The following CSN2 variants were observed in gnomAD, a reference collection of about 807,000 sequenced individuals.
CSN2 encodes casein beta.
CSN2 carries 27 observed loss-of-function variants against 27.3 expected under a neutral mutation model. The ratio of observed to expected loss-of-function variants is 0.99; its 90% CI spans 0.73 to 1.36. The LOEUF (loss-of-function observed/expected upper bound fraction) is 1.36. Among genes scored for constraint, CSN2 ranks in the 40% most tolerant of loss-of-function variants. CSN2 has a pLI of 0.00. For missense variants in CSN2, 333 were observed against 264.5 expected (o/e 1.26, Z -1.80); for synonymous variants, 131 against 94.8 (o/e 1.38, Z -2.22).
intron 7 of CSN2, among the ~76,000 whole-genome samples, chr4:69,956,070 G>GC (rs1723387617): frequency 6.6e-6 from 1 of 151,846 alleles, no homozygotes; most frequent in South Asian, 2.1e-4. Flanking sequence ...AAGTATATAG[G>GC]CCCTTGAAAG....
intron 5 of CSN2, among the ~76,000 whole-genome samples, chr4:69,958,311 A>G (rs1723467719): frequency 1.3e-5 from 2 of 152,158 alleles, no homozygotes; most frequent in Non-Finnish European, 2.9e-5. Flanking sequence ...AACACCGGCC[A>G]AATTCTTACA....
In CSN2 at chr4:69,957,140, A is replaced by G. The variant is rs891810401; in HGVS notation, c.675+134T>C. 5.1e-6 allele frequency: 5 copies of G among 973,158 alleles called. No homozygotes were observed. In the African/African-American group the frequency reaches 8.3e-5, roughly 16 times the overall value. The allele number at this position is 973,158 out of a possible 1,614,324, so 60.3% of individuals were successfully genotyped here. A position where few individuals can be genotyped will look rare whatever the true frequency, so the allele number is the denominator to read the frequency against. ...GCATGTTGTGCACATGTACCCTAAA[A>G]CTTAAAGTATAATAATAAAAGAATC... On this transcript the variant is annotated intron_variant, in intron 6 of 7. Coordinates refer to ENST00000353151, the MANE Select transcript of CSN2 (RefSeq NM_001891.4).
At chr4:69,962,338 A>G (rs1204185988) in intron 1 of CSN2, among the ~76,000 whole-genome samples, 1 of 152,184 alleles carries the variant, frequency 6.6e-6, no homozygotes, top group African/African-American at 2.4e-5. Context: ...AAACTATACT[A>G]CAAGGCTACA....
At chr4:69,963,762 A>C (rs939908314) in intron 1 of CSN2, among the ~76,000 whole-genome samples, 2 of 152,072 alleles carry the variant, frequency 1.3e-5, no homozygotes, top group Non-Finnish European at 2.9e-5. Context: ...AGACAAATAA[A>C]ATTTAAAAAA....
chr4:69,960,083 T>G lies in CSN2; in HGVS notation c.52-4A>C, dbSNP rs1387349814. 1 of 1,611,016 alleles carries G rather than the reference T, an allele frequency of 6.2e-7. No individual in the cohort carries two copies. The highest frequency in any genetic ancestry group is 8.5e-7 in the Non-Finnish European group (1 of 1,178,224). Reference sequence around the variant, plus strand: ...TGCTTGAAAGGCTTTCTATGGTCTGTGGGAAAAAAAAATTGACAACCAGCT... The same window carrying G: ...TGCTTGAAAGGCTTTCTATGGTCTGGGGGAAAAAAAAATTGACAACCAGCT... On this transcript the variant is annotated splice_region_variant and splice_polypyrimidine_tract_variant and intron_variant, in intron 2 of 7. Coordinates refer to ENST00000353151, the MANE Select transcript of CSN2 (RefSeq NM_001891.4).
chr4:69,964,462 A>T (rs1178611221), intron 1 of CSN2, among the ~76,000 whole-genome samples: 1 of 152,062 alleles, frequency 6.6e-6, no homozygotes, highest in African/African-American at 2.4e-5. Flanking sequence ...TTTTGAACTA[A>T]AATACTTCAT....
chr4:69,955,858 C>T (rs1392947148), intron 7 of CSN2, among the ~76,000 whole-genome samples: 1 of 151,976 alleles, frequency 6.6e-6, no homozygotes, highest in Non-Finnish European at 1.5e-5. Flanking sequence ...ATGCTGTTCT[C>T]TCCTCTTTTT....
At chr4:69,956,164 A>G in intron 7 of CSN2, 150 bp downstream of exon 7, 1 of 397,736 alleles carries the variant, frequency 2.5e-6, no homozygotes, top group Non-Finnish European at 4.3e-6. Context: ...AGGTCAGTAA[A>G]TGATAGTCAA....
At chr4:69,960,841 T>C (rs1578145054) in intron 2 of CSN2, 104 bp downstream of exon 2, 1 of 886,236 alleles carries the variant, frequency 1.1e-6, no homozygotes, top group East Asian at 2.6e-5. Context: ...CATGAAATTC[T>C]TCATTATTTA....
Position 69,957,374 on chromosome 4 carries a change from G to A in CSN2, c.575C>T (p.Pro192Leu), listed in dbSNP as rs771946159. The change falls in exon 6 of 8, where the codon CCT (proline) becomes CTT (leucine). Residue 192 changes from proline (P) to leucine (L), a missense_variant. Transcript: ENST00000353151. ...TTGGTTGAGCAGAAGGGCTTGAACA[G>A]GCACAGCTCTCTGAGGGTAGGGCAC... ...QVVPYPQRAV[P>L]VQALLLNQEL... 1 of 1,613,560 alleles carries A rather than the reference G, an allele frequency of 6.2e-7. No individual in the cohort carries two copies. Among genetic ancestry groups the A allele is most frequent in the Non-Finnish European group, 8.5e-7 (1 of 1,179,854 alleles).
At chr4:69,960,170 A>T (rs1723528147) in intron 2 of CSN2, 91 bp from the exon 3 acceptor site, 2 of 1,208,930 alleles carry the variant, frequency 1.7e-6, no homozygotes, top group South Asian at 2.5e-5. Context: ...CTCTAAAAAA[A>T]TAATCTCACC....
intron 4 of CSN2, 25 bp from the exon 5 acceptor site, chr4:69,958,978 T>C (rs1469160909): frequency 1.3e-6 from 2 of 1,575,314 alleles, no homozygotes; most frequent in South Asian, 1.1e-5. Context: ...TATATAAAGA[T>C]ATGTTACCAT....
At position 69,958,912 on chromosome 4, in the gene CSN2, T is replaced by C; in HGVS notation, c.141A>G (p.Gly47=). The change falls in exon 5 of 8, where the codon GGA becomes GGG. Residue 47 remains glycine (G), a synonymous_variant. Coordinates refer to ENST00000353151, the MANE Select transcript of CSN2 (RefSeq NM_001891.4). ...EKVKHEDQQQ[G]EDEHQDKIYP... ...ATACTTATCATTAACAAATTACCTC[T>C]CCTTGCTGCTGGTCCTCATGTTTAA... The C allele has an allele frequency of 1.3e-6, 2 of 1,585,526 alleles. No homozygotes were observed. Among genetic ancestry groups the C allele is most frequent in the Non-Finnish European group, 1.7e-6 (2 of 1,158,722 alleles).
intron 5 of CSN2, among the ~76,000 whole-genome samples, chr4:69,958,194 G>A (rs1276379972): frequency 1.2e-4 from 18 of 152,224 alleles, no homozygotes; most frequent in Non-Finnish European, 1.2e-4. Context: ...AAAGAGATCA[G>A]TTTAAAAAGA....
rs1236022557 is a variant in CSN2 at position 69,957,724 on chromosome 4, A to G, written c.225T>C (p.Gly75=). 3 of 1,613,848 alleles carry G rather than the reference A, an allele frequency of 1.9e-6. No homozygotes were observed. The highest frequency in any genetic ancestry group is 1.7e-5 in the Admixed American group (1 of 59,918). ...IYPFVEPIPY[G]FLPQNILPLA... ...GAGGCAGAATGTTTTGTGGAAGAAA[A>G]CCATAGGGGATAGGTTCAACGAATG... The change falls in exon 6 of 8, where the codon GGT becomes GGC. Residue 75 remains glycine, a synonymous_variant. Transcript: ENST00000353151.
At position 69,957,468 on chromosome 4, in the gene CSN2, G is replaced by A. The variant is rs891740577; in HGVS notation, c.481C>T (p.Leu161Phe). ...CACAGGGGCTGAGGGGGAAGTGCAA[G>A]AGTCTGAGGAATAGGCTGAGGGACC... ...QQVPQPIPQT[L>F]ALPPQPLWSV... Residue 161 changes from leucine to phenylalanine, a missense_variant, in exon 6 of 8, where the codon CTT (leucine) becomes TTT (phenylalanine). Leu to Phe is a conservative substitution (Grantham distance 22). Coordinates refer to ENST00000353151, the MANE Select transcript of CSN2 (RefSeq NM_001891.4). 1 of 1,613,734 alleles carries A rather than the reference G, an allele frequency of 6.2e-7. No individual in the cohort carries two copies. The highest frequency in any genetic ancestry group is 8.5e-7 in the Non-Finnish European group (1 of 1,179,984).
intron 1 of CSN2, among the ~76,000 whole-genome samples, chr4:69,965,358 AATT>A (rs1421394809): frequency 1.0e-4 from 4 of 38,130 alleles, no homozygotes; most frequent in Admixed American, 2.1e-4. Flanking sequence ...TTGGAAGATT[AATT>A]AAAAAAATGA....
intron 1 of CSN2, among the ~76,000 whole-genome samples, chr4:69,962,916 G>C (rs1324808218): frequency 6.6e-6 from 1 of 152,122 alleles, no homozygotes; most frequent in Non-Finnish European, 1.5e-5. Flanking sequence ...CCATCAAAAA[G>C]TGGGCAAAGG....
intron 3 of CSN2, among the ~76,000 whole-genome samples, 164 bp from the exon 4 acceptor site, chr4:69,959,233 A>C (rs1723495047): frequency 6.6e-6 from 1 of 152,066 alleles, no homozygotes; most frequent in African/African-American, 2.4e-5. Context: ...GTTATGTAAA[A>C]GAAAGTCAGA....
Sources: gnomAD v4.1 joint callset for allele counts (sites outside exome capture counted in the v4.1 genomes callset) on GRCh38, gnomAD v4.1.1 for gene constraint, MANE v1.5 for transcripts, NCBI Gene and HGNC (gene_info 2026-07-23, HGNC 2026-07-21) for gene names.